GDPD4: variants seen among roughly 807,000 people sequenced by gnomAD.
The protein encoded by GDPD4 is glycerophosphodiester phosphodiesterase 6.
Under a neutral mutation model 67.8 loss-of-function variants are expected in GDPD4, and 60 were observed. The observed-to-expected ratio is 0.88, with a 90% CI of 0.72 to 1.10. The LOEUF (loss-of-function observed/expected upper bound fraction) is 1.10, where lower values mean the gene tolerates loss of function less well. Among genes scored for constraint, GDPD4 ranks in the 50% least tolerant of loss-of-function variants. The pLI is 0.00. For missense variants in GDPD4, 623 were observed against 613.9 expected (o/e 1.01, Z -0.16); for synonymous variants, 212 against 210.9 (o/e 1.00, Z -0.04).
intron 1 of GDPD4, among the ~76,000 whole-genome samples, chr11:77,290,416 C>A (rs572761733): frequency 1.4e-3 from 209 of 152,242 alleles, no homozygotes; most frequent in African/African-American, 4.7e-3. Context: ...CATTAAGTAT[C>A]TTTTCTGACC....
At chr11:77,247,877 C>A (rs1958808916) in intron 11 of GDPD4, among the ~76,000 whole-genome samples, 1 of 151,770 alleles carries the variant, frequency 6.6e-6, no homozygotes, top group Non-Finnish European at 1.5e-5. Flanking sequence ...CATGGAGAAA[C>A]CCTGTCTCTA....
In GDPD4 at chr11:77,216,912, TG is replaced by T. The variant is rs1565499970; in HGVS notation, c.*364del. 2.7e-5 allele frequency: 19 copies of T among 696,852 alleles called. No homozygotes were observed. Among genetic ancestry groups the T allele is most frequent in the South Asian group, 2.2e-4 (15 of 67,166 alleles). 43.2% of individuals were successfully genotyped at this position (696,852 alleles called of 1,614,324 possible). Reference sequence around the variant, plus strand: ...TAGGATTATTTGGAGTATTCAGCCATGGGGATCTCTTAGAGGTCTCTTATTT... The same window carrying T: ...TAGGATTATTTGGAGTATTCAGCCATGGGATCTCTTAGAGGTCTCTTATTT... On this transcript the variant is annotated 3_prime_UTR_variant, in exon 17 of 17. Transcript: ENST00000315938.
At position 77,279,236 on chromosome 11, in the gene GDPD4, A is replaced by G. The variant is rs900204095; in HGVS notation, c.147+70T>C. 7 of 958,314 alleles carry G rather than the reference A, an allele frequency of 7.3e-6. No homozygotes were observed. The African/African-American group carries it at 9.7e-5, about 13-fold the overall frequency. The allele number at this position is 958,314 out of a possible 1,614,324, so 59.4% of individuals were successfully genotyped here. ...GAGTCCCCAGTACCAACTGGATACT[A>G]TACCACAGGCAGGAACACCTCATCA... On this transcript the variant is annotated intron_variant, in intron 4 of 16. Transcript: ENST00000315938.
intron 1 of GDPD4, among the ~76,000 whole-genome samples, chr11:77,296,555 C>T (rs1354644906): frequency 6.6e-6 from 1 of 151,104 alleles, no homozygotes; most frequent in Non-Finnish European, 1.5e-5. Flanking sequence ...CTCCTGACCT[C>T]AAGTAACTGC....
chr11:77,282,061 A>G (rs923644579), intron 3 of GDPD4, among the ~76,000 whole-genome samples: 1 of 152,240 alleles, frequency 6.6e-6, no homozygotes, highest in Non-Finnish European at 1.5e-5. Flanking sequence ...TTGGAAAAGT[A>G]TGTAGGATTA....
chr11:77,223,267 GGAGCTGC>G (rs1958262520), intron 16 of GDPD4, among the ~76,000 whole-genome samples: 1 of 152,202 alleles, frequency 6.6e-6, no homozygotes, highest in Non-Finnish European at 1.5e-5. Flanking sequence ...TTGCTGGCAA[GGAGCTGC>G]AATCCTTTGG....
In GDPD4 at chr11:77,243,782, C is replaced by T. The variant is rs1458435860; in HGVS notation, c.1153G>A (p.Gly385Ser). ...AGGGTTTCAATGGATACTAAACGGC[C>T]CACATGCTGAAAACCAGGAGCCACG... ...RSVAPGFQHV[G>S]RLVSIETLAK... The change falls in exon 13 of 17, where the codon GGC becomes AGC. Residue 385 changes from glycine to serine, a missense_variant. Gly to Ser is a moderately conservative substitution (Grantham distance 56). Coordinates refer to ENST00000315938, the MANE Select transcript of GDPD4 (RefSeq NM_182833.3). The T allele has an allele frequency of 3.1e-6, 5 of 1,613,052 alleles. No homozygotes were observed. The African/African-American group carries it at 6.7e-5, about 22-fold the overall frequency.
At chr11:77,291,355 G>A (rs948703635) in intron 1 of GDPD4, among the ~76,000 whole-genome samples, 3 of 152,106 alleles carry the variant, frequency 2.0e-5, no homozygotes, top group Non-Finnish European at 4.4e-5. Flanking sequence ...GATAATTACC[G>A]GAGGCTGGGA....
intron 2 of GDPD4, chr11:77,286,989 T>G (rs1371091177): frequency 6.6e-6 from 1 of 151,854 alleles, no homozygotes; most frequent in Non-Finnish European, 1.5e-5. Context: ...ATAAAAGAGG[T>G]AGTAAGGAAA....
intron 13 of GDPD4, among the ~76,000 whole-genome samples, chr11:77,234,928 T>A (rs1477705567): frequency 1.3e-5 from 2 of 151,856 alleles, no homozygotes; most frequent in Non-Finnish European, 2.9e-5. Flanking sequence ...TCTAAACTGC[T>A]TTCCCCAGGG....
intron 2 of GDPD4, among the ~76,000 whole-genome samples, chr11:77,285,443 G>A (rs566586733): frequency 1.3e-5 from 2 of 152,146 alleles, no homozygotes; most frequent in East Asian, 1.9e-4. Flanking sequence ...GAAAAGGAAC[G>A]TCTCTGTATT....
At chr11:77,261,345 C>T (rs1959113637) in intron 10 of GDPD4, among the ~76,000 whole-genome samples, 1 of 151,952 alleles carries the variant, frequency 6.6e-6, no homozygotes, top group Non-Finnish European at 1.5e-5. Flanking sequence ...TCAAGTGATT[C>T]TCCTGCCTCA....
chr11:77,268,059 C>T (rs1393572515), intron 10 of GDPD4, among the ~76,000 whole-genome samples: 2 of 152,110 alleles, frequency 1.3e-5, no homozygotes, highest in African/African-American at 4.8e-5. Context: ...CTAGCTGGAA[C>T]ATCTTTTAGG....
At chr11:77,250,912 CTTT>C (rs2135851049) in intron 11 of GDPD4, among the ~76,000 whole-genome samples, 1 of 152,186 alleles carries the variant, frequency 6.6e-6, no homozygotes, top group East Asian at 1.9e-4. Context: ...TAATGACCTT[CTTT>C]GTCTTTCTAT....
intron 11 of GDPD4, among the ~76,000 whole-genome samples, chr11:77,254,271 C>A (rs1048722124): frequency 1.3e-5 from 2 of 152,100 alleles, no homozygotes; most frequent in Non-Finnish European, 2.9e-5. Context: ...ATCCTCTTGC[C>A]TACCTTTTCA....
chr11:77,225,300 C>CAAAA (rs34996619), intron 16 of GDPD4, among the ~76,000 whole-genome samples: 2 of 120,606 alleles, frequency 1.7e-5, no homozygotes, highest in African/African-American at 6.5e-5. Flanking sequence ...GACTCTGTCT[C>CAAAA]AAAAAAAAAA....
At chr11:77,300,618 G>T (rs1938128216) in intron 1 of GDPD4, among the ~76,000 whole-genome samples, 1 of 152,090 alleles carries the variant, frequency 6.6e-6, no homozygotes, top group South Asian at 2.1e-4. Context: ...AACATTTATA[G>T]AACACTGTAC....
At chr11:77,256,453 G>C (rs1959005872) in intron 11 of GDPD4, among the ~76,000 whole-genome samples, 1 of 152,068 alleles carries the variant, frequency 6.6e-6, no homozygotes, top group Admixed American at 6.6e-5. Context: ...CAAATATTCT[G>C]AGTAACTACA....
intron 7 of GDPD4, among the ~76,000 whole-genome samples, chr11:77,270,652 T>C (rs1276248662): frequency 6.6e-6 from 1 of 152,190 alleles, no homozygotes; most frequent in Admixed American, 6.5e-5. Context: ...GAGGTTGTAG[T>C]GAGCCGAGAT....
Sources: allele counts gnomAD v4.1 joint callset (sites outside exome capture counted in the v4.1 genomes callset), GRCh38; gene constraint gnomAD v4.1.1; transcripts MANE v1.5; gene names NCBI Gene and HGNC (gene_info 2026-07-23, HGNC 2026-07-21).